The following PCLO variants were observed in gnomAD, a reference collection of about 807,000 sequenced individuals.
PCLO encodes the protein piccolo presynaptic cytomatrix protein.
Under a neutral mutation model 427.5 loss-of-function variants are expected in PCLO, and 82 were observed. The observed-to-expected ratio is 0.19, with a 90% CI of 0.16 to 0.23. PCLO has a LOEUF of 0.23. Ranked by LOEUF, PCLO falls within the 10% of genes least tolerant of loss-of-function variation. The pLI is 1.00. For missense variants in PCLO, 6,239 were observed against 6,115.9 expected, an observed-to-expected ratio of 1.02 and a Z score of -0.67; for synonymous variants, 2,357 against 2,155.4, an observed-to-expected ratio of 1.09 and a Z score of -2.59.
intron 10 of PCLO, among the ~76,000 whole-genome samples, chr7:82,873,276 A>G (rs1793284839): frequency 6.6e-6 from 1 of 150,776 alleles, no homozygotes; most frequent in Non-Finnish European, 1.5e-5. Flanking sequence ...TCAGACCATG[A>G]GAAAGCTGAG....
At chr7:82,805,965 G>A (rs1198430451) in intron 20 of PCLO, 136 bp from the exon 21 acceptor site, 9 of 800,984 alleles carry the variant, frequency 1.1e-5, no homozygotes, top group Non-Finnish European at 1.8e-5. Context: ...TTTTCAACCC[G>A]CCTTTTCGTT....
chr7:83,032,847 T>C (rs772615915), intron 3 of PCLO, among the ~76,000 whole-genome samples: 1 of 152,092 alleles, frequency 6.6e-6, no homozygotes, highest in African/African-American at 2.4e-5. Flanking sequence ...TGGGTGACAA[T>C]GAAGTACAAG....
rs368565781 is a variant in PCLO, at chr7:82,861,923, C to T, written c.13655-14676G>A. ...AAATTGTAAAATTTCTTGAAACAAA[C>T]GATAATGGAAACACATACTAAAACC... is the stretch of plus-strand genomic sequence containing the variant. On this transcript the variant is annotated intron_variant, in intron 10 of 24. Transcript: ENST00000333891. Among the ~76,000 whole-genome samples, 12 of 151,824 alleles carry T rather than the reference C, an allele frequency of 7.9e-5. No homozygotes were observed. In the East Asian group the frequency reaches 9.7e-4, roughly 12 times the overall value.
At chr7:82,807,226 T>G (rs1554334846) in intron 20 of PCLO, among the ~76,000 whole-genome samples, 1 of 150,916 alleles carries the variant, frequency 6.6e-6, no homozygotes, top group Admixed American at 6.6e-5. Context: ...TCTTACTGTC[T>G]TTGAGCTTAA....
chr7:83,095,514 G>A (rs911185855), intron 3 of PCLO, among the ~76,000 whole-genome samples: 1 of 151,560 alleles, frequency 6.6e-6, no homozygotes, highest in East Asian at 1.9e-4. Flanking sequence ...TAAGGTAGGA[G>A]CTTAGATTAT....
At chr7:82,931,352 A>G (rs1794836329) in intron 6 of PCLO, among the ~76,000 whole-genome samples, 2 of 152,234 alleles carry the variant, frequency 1.3e-5, no homozygotes, top group South Asian at 4.1e-4. Context: ...GATTGTGTTA[A>G]TTATCAAACA....
At chr7:82,948,211 A>G (rs1354110095) in intron 6 of PCLO, among the ~76,000 whole-genome samples, 1 of 152,090 alleles carries the variant, frequency 6.6e-6, no homozygotes, top group African/African-American at 2.4e-5. Context: ...AAATCTCAAT[A>G]CAACAGAGGT....
intron 10 of PCLO, among the ~76,000 whole-genome samples, chr7:82,867,262 T>C (rs2371363): frequency 0.021 from 3,157 of 152,220 alleles, 119 homozygotes; most frequent in African/African-American, 0.072. Flanking sequence ...AATTAGCATA[T>C]GTGGTAGTGC....
intron 2 of PCLO, among the ~76,000 whole-genome samples, chr7:83,147,153 G>C (rs1792016257): frequency 6.6e-6 from 1 of 151,678 alleles, no homozygotes; most frequent in Admixed American, 6.6e-5. Flanking sequence ...ATGCCTAGGT[G>C]TATATTAACA....
chr7:83,082,142 C>T (rs879608783), intron 3 of PCLO, among the ~76,000 whole-genome samples: 28 of 151,362 alleles, frequency 1.8e-4, no homozygotes, highest in Admixed American at 7.9e-4. Flanking sequence ...CACGCACACA[C>T]ATATGTAAAA....
chr7:83,003,802 T>C (rs951924913), intron 3 of PCLO, among the ~76,000 whole-genome samples: 1 of 151,836 alleles, frequency 6.6e-6, no homozygotes, highest in Non-Finnish European at 1.5e-5. Context: ...GCCTGAGTTT[T>C]CTTTTCTTGT....
At chr7:82,962,425 T>G (rs1455903730) in intron 4 of PCLO, among the ~76,000 whole-genome samples, 2 of 152,010 alleles carry the variant, frequency 1.3e-5, no homozygotes, top group Non-Finnish European at 2.9e-5. Context: ...TGTCAGCAAA[T>G]GTTGTTGGAA....
chr7:83,128,128 T>A (rs1791483937), intron 3 of PCLO, among the ~76,000 whole-genome samples: 1 of 152,032 alleles, frequency 6.6e-6, no homozygotes, highest in African/African-American at 2.4e-5. Context: ...AAGCCTTACA[T>A]CTTTTATACA....
intron 3 of PCLO, among the ~76,000 whole-genome samples, chr7:83,057,517 A>G (rs1448980841): frequency 6.7e-6 from 1 of 149,628 alleles, no homozygotes; most frequent in Admixed American, 6.7e-5. Flanking sequence ...GCCCGCCACC[A>G]TGCCCGGCTA....
rs1792474344 is a variant in PCLO, at chr7:82,845,417, G to C, written c.13900C>G (p.Gln4634Glu). 1 of 1,613,034 alleles carries C rather than the reference G, an allele frequency of 6.2e-7. No homozygotes were observed. The change falls in exon 13 of 25, where the codon CAG becomes GAG. Residue 4634 changes from glutamine to glutamate, a missense_variant. Transcript: ENST00000333891. ...LAAELQKVSL[Q>E]QSPLVLSSVV... ...GATGACAGAACCAGCGGTGACTGCT[G>C]TAGTGAAACCTTCTGGAGTTCTGCT...
intron 9 of PCLO, among the ~76,000 whole-genome samples, chr7:82,885,746 A>C (rs1562836827): frequency 6.6e-6 from 1 of 152,060 alleles, no homozygotes; most frequent in Non-Finnish European, 1.5e-5. Context: ...AATGCCTTTA[A>C]AATTACATTA....
intron 6 of PCLO, among the ~76,000 whole-genome samples, chr7:82,943,473 A>C (rs1795130531): frequency 6.6e-6 from 1 of 151,526 alleles, no homozygotes; most frequent in South Asian, 2.1e-4. Context: ...TTTGATAGAA[A>C]AATCACTAAG....
rs1795273926 is a variant in PCLO, at chr7:82,949,275, AAGCG to A, written c.11112+197_11112+200del. Among the ~76,000 whole-genome samples the A allele has an allele frequency of 2.9e-4, 44 of 151,724 alleles. 2 individuals carry two copies. The South Asian group carries it at 8.5e-3, about 29-fold the overall frequency. ...GTTTCCTACACACACACACACACACAAGCGCACACACACACGTGTGCACACACAC... is the reference window on the plus strand; with the variant it reads ...GTTTCCTACACACACACACACACACACACACACACACGTGTGCACACACAC... On this transcript the variant is annotated intron_variant, in intron 6 of 24. Coordinates refer to ENST00000333891, the MANE Select transcript of PCLO (RefSeq NM_033026.6).
chr7:82,950,181 A>G lies in PCLO; in HGVS notation c.10407T>C (p.Asp3469=). Residue 3469 remains aspartate, a synonymous_variant, in exon 6 of 25, where the codon GAT becomes GAC. Coordinates refer to ENST00000333891, the MANE Select transcript of PCLO (RefSeq NM_033026.6). ...CTTCATCATCAGTTTGGACGCTTGT[A>G]TCCACACTCTTTTTAGTTCTCCTTC... ...SRRRRTKKSV[D]TSVQTDDEDQ... The G allele has an allele frequency of 6.2e-7, 1 of 1,611,248 alleles. No individual in the cohort carries two copies. Among genetic ancestry groups the G allele is most frequent in the Middle Eastern group, 1.6e-4 (1 of 6,062 alleles).
Sources: gnomAD v4.1 joint callset for allele counts (sites outside exome capture counted in the v4.1 genomes callset) on GRCh38, gnomAD v4.1.1 for gene constraint, MANE v1.5 for transcripts, NCBI Gene and HGNC (gene_info 2026-07-23, HGNC 2026-07-21) for gene names.